TMEM41B: variants seen among roughly 807,000 people sequenced by gnomAD.
The protein encoded by TMEM41B is transmembrane protein 41B, also known as protein stasimon.
A neutral mutation model predicts 31.9 loss-of-function variants in TMEM41B; 18 were observed. The ratio of observed to expected loss-of-function variants is 0.56; its 90% confidence interval spans 0.39 to 0.84. The LOEUF (loss-of-function observed/expected upper bound fraction) is 0.84. TMEM41B is among the 40% of genes least tolerant of loss of function. TMEM41B has a pLI of 0.00. For missense variants in TMEM41B, 322 were observed against 348.0 expected (o/e 0.93, Z 0.59); for synonymous variants, 144 against 124.3 (o/e 1.16, Z -1.05).
rs1164259515 is a variant in TMEM41B, at chr11:9,283,311, AT to A, written c.*112del. On this transcript the variant is annotated 3_prime_UTR_variant, in exon 7 of 7. Transcript: ENST00000528080. ...CTTTAACTATCTGATAGGAAATTTT[AT>A]TTTACAAATTCCTTGTTTAATTACT... 1.2e-6 allele frequency: 1 copy of A among 842,006 alleles called. No homozygotes were observed. The highest frequency in any genetic ancestry group is 1.8e-6 in the Non-Finnish European group (1 of 565,482). 52.2% of individuals were successfully genotyped at this position (842,006 alleles called of 1,614,324 possible). A position where few individuals can be genotyped will look rare whatever the true frequency, so the allele number is the denominator to read the frequency against.
At position 9,307,770 on chromosome 11, in the gene TMEM41B, G is replaced by A. The variant is rs1056647031; in HGVS notation, c.121+6551C>T. On this transcript the variant is annotated intron_variant, in intron 1 of 6. Coordinates refer to ENST00000528080, the MANE Select transcript of TMEM41B (RefSeq NM_015012.4). Reference sequence around the variant, plus strand: ...AAAATCATTTTTTTAATTTTATTTCGAGTCTTGCTCTGTCACCCAGGCTGG... The same window carrying A: ...AAAATCATTTTTTTAATTTTATTTCAAGTCTTGCTCTGTCACCCAGGCTGG... Among the ~76,000 whole-genome samples, 5 of 150,218 alleles carry A rather than the reference G, an allele frequency of 3.3e-5. No individual in the cohort carries two copies. The South Asian group carries it at 8.4e-4, about 25-fold the overall frequency.
intron 1 of TMEM41B, among the ~76,000 whole-genome samples, chr11:9,299,947 C>A (rs1310255486): frequency 6.6e-6 from 1 of 152,028 alleles, no homozygotes; most frequent in Non-Finnish European, 1.5e-5. Context: ...TGGAGAAACT[C>A]CGTCTCTACT....
In TMEM41B at chr11:9,281,364, C is replaced by A. The variant is rs568802013; in HGVS notation, c.*2060G>T. The stretch of plus-strand genomic sequence containing the variant: ...TTGCTAGAAATAATAAATAATCTCA[C>A]GCAAAAGGCCAGGTGACATAAGAAT... On this transcript the variant is annotated 3_prime_UTR_variant, in exon 7 of 7. Coordinates refer to ENST00000528080, the MANE Select transcript of TMEM41B (RefSeq NM_015012.4). 1 of 152,126 alleles carries A rather than the reference C, an allele frequency of 6.6e-6. No individual in the cohort carries two copies. The highest frequency in any genetic ancestry group is 6.6e-5 in the Admixed American group (1 of 15,262). 9.4% of individuals were successfully genotyped at this position (152,126 alleles called of 1,614,324 possible). A position where few individuals can be genotyped will look rare whatever the true frequency, so the allele number is the denominator to read the frequency against.
rs1483879485 is a variant in TMEM41B at position 9,299,784 on chromosome 11, A to G, written c.122-83T>C. ...TAATTTCTGTACATGCTTTCCTTCC[A>G]GAAAATGGCGTGTGCTTTTGCCTAA... On this transcript the variant is annotated intron_variant, in intron 1 of 6. Transcript: ENST00000528080. The G allele has an allele frequency of 5.8e-6, 6 of 1,038,272 alleles. No individual in the cohort carries two copies. The African/African-American group carries it at 6.5e-5, about 11-fold the overall frequency. 64.3% of individuals were successfully genotyped at this position (1,038,272 alleles called of 1,614,324 possible).
intron 1 of TMEM41B, among the ~76,000 whole-genome samples, chr11:9,304,734 T>C (rs11500788): frequency 0.39 from 59,728 of 151,758 alleles, 12,630 homozygotes; most frequent in East Asian, 0.5. Flanking sequence ...CCTGGCTCAC[T>C]ACAACCTCCG....
chr11:9,284,700 T>A (rs918757225), intron 6 of TMEM41B, among the ~76,000 whole-genome samples: 1 of 151,478 alleles, frequency 6.6e-6, no homozygotes, highest in Non-Finnish European at 1.5e-5. Context: ...GAGGCGGAGG[T>A]TGCAATGAGC....
chr11:9,312,047 A>G (rs1853573188), intron 1 of TMEM41B, among the ~76,000 whole-genome samples: 3 of 152,248 alleles, frequency 2.0e-5, no homozygotes, highest in Non-Finnish European at 4.4e-5. Flanking sequence ...TTACAGGAAC[A>G]TTCTGACACA....
intron 6 of TMEM41B, among the ~76,000 whole-genome samples, chr11:9,284,205 T>C (rs1590369171): frequency 6.6e-6 from 1 of 151,726 alleles, no homozygotes; most frequent in South Asian, 2.1e-4. Flanking sequence ...AGTGCAGTGG[T>C]GCAATCATCA....
intron 6 of TMEM41B, 112 bp from the exon 7 acceptor site, chr11:9,283,705 GA>G (rs919084749): frequency 2.1e-5 from 19 of 899,594 alleles, no homozygotes; most frequent in African/African-American, 1.3e-4. Flanking sequence ...TTCCATTTTG[GA>G]AAAAAAATTA....
At chr11:9,313,979 T>A (rs1016363083) in intron 1 of TMEM41B, among the ~76,000 whole-genome samples, 1 of 152,184 alleles carries the variant, frequency 6.6e-6, no homozygotes, top group African/African-American at 2.4e-5. Flanking sequence ...AGTTTCTTCA[T>A]CTGTAAAAAC....
intron 1 of TMEM41B, among the ~76,000 whole-genome samples, chr11:9,309,139 G>A (rs1270966114): frequency 6.6e-6 from 1 of 152,060 alleles, no homozygotes; most frequent in Non-Finnish European, 1.5e-5. Flanking sequence ...CCCGGCTACT[G>A]GGGAGGCTGA....
chr11:9,297,302 C>T (rs1313639808), intron 2 of TMEM41B, among the ~76,000 whole-genome samples: 2 of 152,164 alleles, frequency 1.3e-5, no homozygotes, highest in South Asian at 4.1e-4. Context: ...CCAGTCTGGT[C>T]TCAAACTCCT....
chr11:9,299,493 G>T, intron 2 of TMEM41B, 91 bp downstream of exon 2: 2 of 872,048 alleles, frequency 2.3e-6, no homozygotes, highest in Non-Finnish European at 3.6e-6. Flanking sequence ...AAAGTGTTGA[G>T]ATTACAGGCA....
chr11:9,303,200 G>T (rs563763506), intron 1 of TMEM41B, among the ~76,000 whole-genome samples: 2 of 152,148 alleles, frequency 1.3e-5, no homozygotes, highest in South Asian at 4.1e-4. Context: ...TGTATTTTTA[G>T]TAGAGACGGG....
At chr11:9,311,642 G>C (rs1291950449) in intron 1 of TMEM41B, 17 of 865,890 alleles carry the variant, frequency 2.0e-5, no homozygotes, top group Non-Finnish European at 3.0e-5. Flanking sequence ...ACCCAATGTT[G>C]GGTGGATATG....
intron 3 of TMEM41B, among the ~76,000 whole-genome samples, chr11:9,294,779 G>A (rs1247603874): frequency 6.6e-6 from 1 of 151,640 alleles, no homozygotes; most frequent in Non-Finnish European, 1.5e-5. Flanking sequence ...AGTATCTTAA[G>A]AATTTTTACA....
chr11:9,301,721 G>A (rs1295720240), intron 1 of TMEM41B, among the ~76,000 whole-genome samples: 3 of 152,158 alleles, frequency 2.0e-5, no homozygotes, highest in South Asian at 2.1e-4. Context: ...ATTACTGGCT[G>A]ACCAGATTTT....
At chr11:9,292,191 CATTTGTAGAATTTACCATTTATTGA>C (rs1317380698) in intron 3 of TMEM41B, among the ~76,000 whole-genome samples, 1 of 152,140 alleles carries the variant, frequency 6.6e-6, no homozygotes, top group Non-Finnish European at 1.5e-5. Context: ...GAAACCAGAT[CATTTGTAGAATTTACCATTTATTGA>C]ATTTTGCCTA....
chr11:9,286,395 C>G (rs1350344315), intron 6 of TMEM41B, 60 bp downstream of exon 6: 7 of 1,511,448 alleles, frequency 4.6e-6, no homozygotes, highest in East Asian at 2.3e-5. Flanking sequence ...TCTAGCCCAG[C>G]TGGACACTGT....
Sources: gnomAD v4.1 joint callset for allele counts (sites outside exome capture counted in the v4.1 genomes callset) on GRCh38, gnomAD v4.1.1 for gene constraint, MANE v1.5 for transcripts, NCBI Gene and HGNC (gene_info 2026-07-23, HGNC 2026-07-21) for gene names.